HS6ST3: variants seen among roughly 807,000 people sequenced by gnomAD.
The protein encoded by HS6ST3 is heparan sulfate 6-O-sulfotransferase 3, also known as heparan-sulfate 6-O-sulfotransferase 3.
A neutral mutation model predicts 36.7 loss-of-function variants in HS6ST3; 12 were observed. The observed-to-expected ratio is 0.33, with a 90% CI of 0.21 to 0.53. The LOEUF is 0.53. HS6ST3 is among the 20% of genes least tolerant of loss of function. HS6ST3 has a pLI of 0.95. For synonymous variants in HS6ST3, 240 were observed against 257.5 expected, an observed-to-expected ratio of 0.93 and a Z score of 0.65; for missense variants, 584 against 640.9, an observed-to-expected ratio of 0.91 and a Z score of 0.96.
chr13:96,431,231 CA>C (rs908158086), intron 1 of HS6ST3, among the ~76,000 whole-genome samples: 3 of 61,330 alleles, frequency 4.9e-5, no homozygotes, highest in Admixed American at 1.4e-4. Context: ...AAACAAACAA[CA>C]ACAACAACAA....
At chr13:96,547,943 C>G (rs2056203841) in intron 1 of HS6ST3, among the ~76,000 whole-genome samples, 1 of 151,910 alleles carries the variant, frequency 6.6e-6, no homozygotes, top group Non-Finnish European at 1.5e-5. Context: ...CCAAGGAAGT[C>G]ATAACAATTC....
chr13:96,785,557 A>G (rs1199925871), intron 1 of HS6ST3, among the ~76,000 whole-genome samples: 2 of 152,174 alleles, frequency 1.3e-5, no homozygotes, highest in Non-Finnish European at 2.9e-5. Flanking sequence ...TGGGCAAAAG[A>G]TAGCAGAAAC....
chr13:96,467,945 A>G (rs2055822245), intron 1 of HS6ST3, among the ~76,000 whole-genome samples: 1 of 152,206 alleles, frequency 6.6e-6, no homozygotes, highest in African/African-American at 2.4e-5. Context: ...AGAGCTAGGT[A>G]TGGACTGGGA....
intron 1 of HS6ST3, among the ~76,000 whole-genome samples, chr13:96,410,237 G>A (rs201570352): frequency 6.6e-6 from 1 of 151,924 alleles, no homozygotes; most frequent in African/African-American, 2.4e-5. Context: ...ACATCAAAAG[G>A]TTAAGATCCA....
At chr13:96,705,777 G>A (rs557757373) in intron 1 of HS6ST3, among the ~76,000 whole-genome samples, 9 of 152,252 alleles carry the variant, frequency 5.9e-5, no homozygotes, top group East Asian at 3.9e-4. Context: ...AGCAGGAGCC[G>A]GTGTCTCCAA....
At chr13:96,699,503 T>G (rs577638942) in intron 1 of HS6ST3, among the ~76,000 whole-genome samples, 1 of 152,176 alleles carries the variant, frequency 6.6e-6, no homozygotes, top group Non-Finnish European at 1.5e-5. Flanking sequence ...AAAATGCTCA[T>G]CATCACTGGC....
At chr13:96,340,674 T>C (rs533857007) in intron 1 of HS6ST3, among the ~76,000 whole-genome samples, 2 of 152,356 alleles carry the variant, frequency 1.3e-5, no homozygotes, top group East Asian at 3.9e-4. Flanking sequence ...TGTCCTTTCA[T>C]TTACATGTAT....
chr13:96,820,812 C>T (rs1370788413), intron 1 of HS6ST3, among the ~76,000 whole-genome samples: 1 of 152,260 alleles, frequency 6.6e-6, no homozygotes, highest in Non-Finnish European at 1.5e-5. Flanking sequence ...TAAATCTCTT[C>T]CTGAATACAG....
chr13:96,303,032 A>C lies in HS6ST3; in HGVS notation c.707+211463A>C, dbSNP rs538315915. ...TGTTAAGGTTGAGTGAATGCGATAG[A>C]GACTGTATGGCCTGCAAAGTTCTAA... On this transcript the variant is annotated intron_variant, in intron 1 of 1. Coordinates refer to ENST00000376705, the MANE Select transcript of HS6ST3 (RefSeq NM_153456.4). 1.8e-4 allele frequency among the ~76,000 whole-genome samples: 27 copies of C among 152,330 alleles called. No individual in the cohort carries two copies. In the South Asian group the frequency reaches 5.4e-3, roughly 30 times the overall value.
At chr13:96,510,971 G>A (rs2056047423) in intron 1 of HS6ST3, among the ~76,000 whole-genome samples, 1 of 151,956 alleles carries the variant, frequency 6.6e-6, no homozygotes, top group African/African-American at 2.4e-5. Flanking sequence ...CATCAAGTTT[G>A]TTGCTTTGAC....
chr13:96,353,889 A>G (rs2055197032), intron 1 of HS6ST3, among the ~76,000 whole-genome samples: 1 of 152,204 alleles, frequency 6.6e-6, no homozygotes, highest in African/African-American at 2.4e-5. Flanking sequence ...CCACACTGGC[A>G]TATGGCAGGA....
At chr13:96,316,257 C>CTGTGTGTGTGTGTGTGTG (rs10534465) in intron 1 of HS6ST3, among the ~76,000 whole-genome samples, 1 of 147,180 alleles carries the variant, frequency 6.8e-6, no homozygotes, top group Admixed American at 6.9e-5. Context: ...CTACATACAC[C>CTGTGTGTGTGTGTGTGTG]TGTGTGTGTG....
At chr13:96,092,445 A>G (rs1305171669) in intron 1 of HS6ST3, among the ~76,000 whole-genome samples, 2 of 152,244 alleles carry the variant, frequency 1.3e-5, no homozygotes, top group Admixed American at 6.5e-5. Context: ...GAAACTGCTT[A>G]CATTATTAAC....
rs71113997 is a variant in HS6ST3 at position 96,464,947 on chromosome 13, CGTGTGTGTGTGT to C, written c.708-367513_708-367502del. 8.9e-5 allele frequency among the ~76,000 whole-genome samples: 13 copies of C among 145,552 alleles called. No individual in the cohort carries two copies. The South Asian group carries it at 2.0e-3, about 22-fold the overall frequency. On this transcript the variant is annotated intron_variant, in intron 1 of 1. Coordinates refer to ENST00000376705, the MANE Select transcript of HS6ST3 (RefSeq NM_153456.4). ...TATCTACTATATTGGCAAGATGCTT[CGTGTGTGTGTGT>C]GTGTGTGTGTGTGTGTGTGTGTGTG... is the stretch of plus-strand genomic sequence containing the variant.
At chr13:96,562,494 A>G (rs2056265948) in intron 1 of HS6ST3, among the ~76,000 whole-genome samples, 1 of 152,116 alleles carries the variant, frequency 6.6e-6, no homozygotes, top group Non-Finnish European at 1.5e-5. Context: ...AAACCTGCAC[A>G]TATAACCCCT....
chr13:96,732,599 T>C (rs1876185437), intron 1 of HS6ST3, among the ~76,000 whole-genome samples: 1 of 152,186 alleles, frequency 6.6e-6, no homozygotes, highest in Non-Finnish European at 1.5e-5. Context: ...TTCAGCTTTG[T>C]TCATTTTGCT....
chr13:96,565,553 A>G (rs1435648156), intron 1 of HS6ST3, among the ~76,000 whole-genome samples: 2 of 152,166 alleles, frequency 1.3e-5, no homozygotes, highest in African/African-American at 2.4e-5. Context: ...AGAAGGTGGC[A>G]TGGGAGAGAT....
chr13:96,667,830 T>C (rs895633467), intron 1 of HS6ST3, among the ~76,000 whole-genome samples: 3 of 152,180 alleles, frequency 2.0e-5, no homozygotes, highest in African/African-American at 7.2e-5. Flanking sequence ...TGCCTTCCTC[T>C]AGGATGGGGG....
chr13:96,733,904 C>T (rs901556732), intron 1 of HS6ST3, among the ~76,000 whole-genome samples: 1 of 152,154 alleles, frequency 6.6e-6, no homozygotes, highest in Non-Finnish European at 1.5e-5. Flanking sequence ...TACCTCAATT[C>T]CTCCCACTGC....
Sources: gnomAD v4.1 joint callset for allele counts (sites outside exome capture counted in the v4.1 genomes callset) on GRCh38, gnomAD v4.1.1 for gene constraint, MANE v1.5 for transcripts, NCBI Gene and HGNC (gene_info 2026-07-23, HGNC 2026-07-21) for gene names.